The following BBOF1 variants were observed in gnomAD, a reference collection of about 807,000 sequenced individuals.
The protein encoded by BBOF1 is basal body orientation factor 1, also known as basal body-orientation factor 1.
In BBOF1, 62 loss-of-function variants were observed where a neutral mutation model predicts 68.0. The observed-to-expected ratio is 0.91, with a 90% CI of 0.74 to 1.13. The LOEUF is 1.13. BBOF1 is among the 50% of genes most tolerant of loss of function. BBOF1 has a pLI of 0.00. For synonymous variants in BBOF1, 208 were observed against 198.8 expected (o/e 1.05, Z -0.39); for missense variants, 534 against 600.1 (o/e 0.89, Z 1.15).
chr14:74,019,374 G>A lies in BBOF1; in HGVS notation c.-105G>A. ...GCTCTCCGCGCGCCGTCAGCGGCGC[G>A]GGTGGGGCATTGCCAGCTCGGCGTC... On this transcript the variant is annotated 5_prime_UTR_variant, in exon 1 of 12. Coordinates refer to ENST00000394009, the MANE Select transcript of BBOF1 (RefSeq NM_025057.3). 7.1e-7 allele frequency: 1 copy of A among 1,405,754 alleles called. No individual in the cohort carries two copies. Among genetic ancestry groups the A allele is most frequent in the African/African-American group, 1.5e-5 (1 of 65,912 alleles). 87.1% of individuals were successfully genotyped at this position (1,405,754 alleles called of 1,614,324 possible). A position where few individuals can be genotyped will look rare whatever the true frequency, so the allele number is the denominator to read the frequency against.
At chr14:74,036,926 G>T in intron 4 of BBOF1, among the ~76,000 whole-genome samples, 1 of 147,614 alleles carries the variant, frequency 6.8e-6, no homozygotes, top group South Asian at 2.2e-4. Context: ...ATATATTCCT[G>T]GTAGATCTTG....
At chr14:74,078,046 TG>T (rs1204410660) in intron 9 of BBOF1, 1 of 371,526 alleles carries the variant, frequency 2.7e-6, no homozygotes, top group Non-Finnish European at 5.3e-6. Flanking sequence ...AAGACCAGCT[TG>T]GGGAACATAA....
intron 9 of BBOF1, chr14:74,072,101 G>A: frequency 1.9e-6 from 3 of 1,580,228 alleles, no homozygotes; most frequent in Non-Finnish European, 2.6e-6. Flanking sequence ...CAACGTCTCT[G>A]CATACTGCAG....
At chr14:74,049,535 A>C (rs577604328) in intron 7 of BBOF1, among the ~76,000 whole-genome samples, 167 bp from the exon 8 acceptor site, 7 of 152,142 alleles carry the variant, frequency 4.6e-5, no homozygotes, top group African/African-American at 1.7e-4. Flanking sequence ...GGTGATGGGC[A>C]CCTGTAATCC....
chr14:74,048,272 T>C lies in BBOF1; in HGVS notation c.792+198T>C, dbSNP rs2059994337. The C allele has an allele frequency of 2.5e-5, 12 of 482,214 alleles. No individual in the cohort carries two copies. The South Asian group carries it at 3.3e-4, about 13-fold the overall frequency. 29.9% of individuals were successfully genotyped at this position (482,214 alleles called of 1,614,324 possible). A position where few individuals can be genotyped will look rare whatever the true frequency, so the allele number is the denominator to read the frequency against. ...TATAAGAAGCATTAGACTCAACTTA[T>C]AAAGAATATATCAGAAACATAAATA... On this transcript the variant is annotated intron_variant, in intron 7 of 11. Transcript: ENST00000394009.
intron 5 of BBOF1, among the ~76,000 whole-genome samples, chr14:74,043,071 G>A (rs1030938323): frequency 4.6e-5 from 7 of 152,004 alleles, no homozygotes; most frequent in East Asian, 1.9e-4. Flanking sequence ...TTTGAGCCCC[G>A]GTGCTGCAGC....
At chr14:74,034,552 G>C (rs765511665) in intron 4 of BBOF1, among the ~76,000 whole-genome samples, 1 of 152,182 alleles carries the variant, frequency 6.6e-6, no homozygotes, top group African/African-American at 2.4e-5. Context: ...AAATTTAGAA[G>C]GCTCTATGGT....
intron 5 of BBOF1, among the ~76,000 whole-genome samples, chr14:74,042,408 G>C (rs1229413608): frequency 2.0e-5 from 3 of 152,192 alleles, no homozygotes; most frequent in Admixed American, 6.6e-5. Context: ...ATAAAGGTTA[G>C]AAAGAGTTGG....
chr14:74,055,781 G>A, intron 9 of BBOF1, 96 bp downstream of exon 9: 1 of 830,336 alleles, frequency 1.2e-6, no homozygotes, highest in Non-Finnish European at 1.9e-6. Context: ...AGAACTAAAG[G>A]GACGGGAAAG....
At chr14:74,028,051 G>A (rs1012811789) in intron 2 of BBOF1, among the ~76,000 whole-genome samples, 1 of 151,988 alleles carries the variant, frequency 6.6e-6, no homozygotes, top group Non-Finnish European at 1.5e-5. Context: ...CTTGTAAAAG[G>A]GAATGCCCTT....
chr14:74,026,147 A>C (rs1414006084), intron 2 of BBOF1, among the ~76,000 whole-genome samples: 1 of 150,662 alleles, frequency 6.6e-6, no homozygotes, highest in East Asian at 1.9e-4. Context: ...TCTCAAAAAA[A>C]AAAAAAAGAG....
intron 12 of BBOF1, among the ~76,000 whole-genome samples, chr14:74,081,939 G>A (rs898430442): frequency 1.4e-4 from 21 of 152,190 alleles, no homozygotes; most frequent in African/African-American, 5.1e-4. Flanking sequence ...AGGTGCAGCG[G>A]TTCGTGCCTG....
At chr14:74,042,879 G>GACACAC (rs71460947) in intron 5 of BBOF1, among the ~76,000 whole-genome samples, 14,251 of 143,692 alleles carry the variant, frequency 0.099, 905 homozygotes, top group Admixed American at 0.17. Context: ...CACACACACA[G>GACACAC]ACACACACAC....
downstream of BBOF1, chr14:74,066,603 G>A: frequency 4.2e-6 from 5 of 1,179,724 alleles, no homozygotes; most frequent in Non-Finnish European, 6.2e-6. Context: ...AAGAGATAAG[G>A]TCTTAGTCAT....
intron 10 of BBOF1, among the ~76,000 whole-genome samples, chr14:74,078,819 G>A (rs932064387): frequency 6.6e-6 from 1 of 151,190 alleles, no homozygotes; most frequent in Non-Finnish European, 1.5e-5. Context: ...GTGAGCCACT[G>A]CACCTGGCCA....
rs2060449969 is a variant in BBOF1, at chr14:74,065,632, A to T, written c.*933A>T. On this transcript the variant is annotated 3_prime_UTR_variant, in exon 12 of 12. Coordinates refer to ENST00000394009, the MANE Select transcript of BBOF1 (RefSeq NM_025057.3). ...CTGTATCTTTAGTTCATGACCCATC[A>T]TCAGCTGCCTTTTTAATACCTGAAC... 2.5e-6 allele frequency: 1 copy of T among 403,398 alleles called. No individual in the cohort carries two copies. Among genetic ancestry groups the T allele is most frequent in the African/African-American group, 2.0e-5 (1 of 49,484 alleles). 25.0% of individuals were successfully genotyped at this position (403,398 alleles called of 1,614,324 possible).
chr14:74,078,038 G>A (rs983590074), intron 9 of BBOF1, among the ~76,000 whole-genome samples: 2 of 152,172 alleles, frequency 1.3e-5, no homozygotes, highest in Non-Finnish European at 2.9e-5. Flanking sequence ...CCCAGTTCAA[G>A]ACCAGCTTGG....
intron 5 of BBOF1, among the ~76,000 whole-genome samples, chr14:74,045,318 T>G (rs1264981806): frequency 6.6e-6 from 1 of 152,160 alleles, no homozygotes; most frequent in Non-Finnish European, 1.5e-5. Context: ...TTTTATTTAT[T>G]TATTTTCTTG....
chr14:74,047,407 C>CTTTATTTATTTA (rs61067400), intron 6 of BBOF1, among the ~76,000 whole-genome samples: 2,887 of 145,602 alleles, frequency 0.02, 95 homozygotes, highest in African/African-American at 0.064. Context: ...TCCTTTTTCA[C>CTTTATTTATTTA]TTTATTTATT....
Sources: allele counts gnomAD v4.1 joint callset (sites outside exome capture counted in the v4.1 genomes callset), GRCh38; gene constraint gnomAD v4.1.1; transcripts MANE v1.5; gene names NCBI Gene and HGNC (gene_info 2026-07-23, HGNC 2026-07-21).